The following SYT17 variants were observed in gnomAD, a reference collection of about 807,000 sequenced individuals.
The protein encoded by SYT17 is synaptotagmin 17, also known as synaptotagmin-17.
In SYT17, 22 loss-of-function variants were observed where a neutral mutation model predicts 46.7. The observed-to-expected ratio is 0.47, with a 90% CI of 0.34 to 0.67. The LOEUF (loss-of-function observed/expected upper bound fraction) is 0.67. Among genes scored for constraint, SYT17 ranks in the 30% least tolerant of loss-of-function variants. The pLI, the probability that SYT17 is intolerant of heterozygous loss-of-function variation, is 0.01. For synonymous variants in SYT17, 251 were observed against 248.4 expected (o/e 1.01, Z -0.10); for missense variants, 519 against 612.8 (o/e 0.85, Z 1.62).
At chr16:19,202,762 T>C (rs1239303529) in intron 5 of SYT17, among the ~76,000 whole-genome samples, 1 of 152,208 alleles carries the variant, frequency 6.6e-6, no homozygotes, top group Non-Finnish European at 1.5e-5. Flanking sequence ...GGTCTTGCTC[T>C]GTCACCTAGG....
At chr16:19,176,546 A>G (rs1417485409) in intron 3 of SYT17, among the ~76,000 whole-genome samples, 20 of 152,230 alleles carry the variant, frequency 1.3e-4, no homozygotes, top group Non-Finnish European at 5.9e-5. Context: ...ACAGTAAATG[A>G]ACGGGCACGT....
At chr16:19,172,667 T>G (rs1008868192) in intron 1 of SYT17, 93 bp from the exon 2 acceptor site, 1 of 1,578,460 alleles carries the variant, frequency 6.3e-7, no homozygotes, top group African/African-American at 1.4e-5. Context: ...TTTTTTGAGT[T>G]GCTGGAATAT....
At chr16:19,232,593 G>T (rs1966741271) in intron 7 of SYT17, among the ~76,000 whole-genome samples, 1 of 152,148 alleles carries the variant, frequency 6.6e-6, no homozygotes, top group South Asian at 2.1e-4. Context: ...CACTTTGAGA[G>T]GCTGAAGGGG....
intron 7 of SYT17, among the ~76,000 whole-genome samples, chr16:19,240,894 A>G (rs1967054632): frequency 6.6e-6 from 1 of 151,204 alleles, no homozygotes; most frequent in South Asian, 2.1e-4. Context: ...GCACTACCCC[A>G]AGCATGTGCA....
At chr16:19,233,260 A>G (rs1047952449) in intron 7 of SYT17, among the ~76,000 whole-genome samples, 3 of 152,140 alleles carry the variant, frequency 2.0e-5, no homozygotes, top group African/African-American at 7.2e-5. Context: ...GATGGGTGGG[A>G]AGGCACGGCG....
At chr16:19,211,376 G>T (rs1222125133) in intron 5 of SYT17, 9 of 703,346 alleles carry the variant, frequency 1.3e-5, no homozygotes, top group Non-Finnish European at 2.3e-5. Flanking sequence ...TGCACTGCTT[G>T]ATCTTGGATT....
At chr16:19,245,197 T>C (rs62025399) in intron 7 of SYT17, among the ~76,000 whole-genome samples, 15,345 of 152,128 alleles carry the variant, frequency 0.1, 873 homozygotes, top group African/African-American at 0.13. Context: ...AATCAGTGGT[T>C]CTCAACCTGG....
chr16:19,266,765 T>G, intron 7 of SYT17, 115 bp from the exon 8 acceptor site: 1 of 869,944 alleles, frequency 1.1e-6, no homozygotes, highest in Non-Finnish European at 1.7e-6. Context: ...ATGACCCCCA[T>G]GTTTGCAGTT....
intron 5 of SYT17, among the ~76,000 whole-genome samples, chr16:19,220,303 CTTTTTT>C (rs1555459738): frequency 6.2e-5 from 5 of 80,514 alleles, no homozygotes; most frequent in Non-Finnish European, 1.1e-4. Context: ...TTCTTTCTTT[CTTTTTT>C]TTTTTTTTTT....
chr16:19,248,472 C>A (rs1374070998), intron 7 of SYT17, among the ~76,000 whole-genome samples: 1 of 152,156 alleles, frequency 6.6e-6, no homozygotes, highest in Non-Finnish European at 1.5e-5. Flanking sequence ...TGGAAATGAT[C>A]CAAATGTCCA....
intron 5 of SYT17, among the ~76,000 whole-genome samples, chr16:19,187,838 T>C (rs1396588646): frequency 1.3e-5 from 2 of 152,274 alleles, no homozygotes; most frequent in East Asian, 3.9e-4. Context: ...AAATAACAGA[T>C]GCTGGTGAGG....
chr16:19,180,411 A>T lies in SYT17; in HGVS notation c.203A>T (p.Asp68Val). Residue 68 changes from aspartate to valine, a missense_variant, in exon 4 of 8, where the codon GAC becomes GTC. Physicochemically the swap from Asp to Val is radical, Grantham distance 152. Transcript: ENST00000355377. ...PPWLMASRSS[D>V]KDGDSVHTAS... Reference sequence around the variant, plus strand: ...TATAGGATGGCCAGCCGGAGCAGTGACAAGGATGGTGACTCTGTCCACACG... The same window carrying T: ...TATAGGATGGCCAGCCGGAGCAGTGTCAAGGATGGTGACTCTGTCCACACG... 1 of 1,614,178 alleles carries T rather than the reference A, an allele frequency of 6.2e-7. No homozygotes were observed. Among genetic ancestry groups the T allele is most frequent in the South Asian group, 1.1e-5 (1 of 91,084 alleles).
intron 5 of SYT17, among the ~76,000 whole-genome samples, chr16:19,206,874 CT>C (rs1965692063): frequency 6.6e-6 from 1 of 152,202 alleles, no homozygotes; most frequent in East Asian, 1.9e-4. Context: ...CAAATAAGGA[CT>C]GTGGACCCCC....
intron 5 of SYT17, among the ~76,000 whole-genome samples, chr16:19,199,146 C>A (rs1965366462): frequency 6.6e-6 from 1 of 152,148 alleles, no homozygotes; most frequent in African/African-American, 2.4e-5. Flanking sequence ...CTGGTCCCTG[C>A]CCTTGAGACT....
chr16:19,219,737 T>A (rs1011136935), intron 5 of SYT17, among the ~76,000 whole-genome samples: 1 of 152,240 alleles, frequency 6.6e-6, no homozygotes, highest in African/African-American at 2.4e-5. Context: ...ATGTATTTTT[T>A]AAAATCTGTG....
At chr16:19,195,624 G>A (rs2142701158) in intron 5 of SYT17, among the ~76,000 whole-genome samples, 1 of 152,268 alleles carries the variant, frequency 6.6e-6, no homozygotes, top group South Asian at 2.1e-4. Context: ...GGAGGCTGAA[G>A]CAGGAGAATC....
chr16:19,205,707 C>CCTGACCTCAAGTGATCCA (rs1228057234), intron 5 of SYT17, among the ~76,000 whole-genome samples: 1 of 152,164 alleles, frequency 6.6e-6, no homozygotes, highest in Non-Finnish European at 1.5e-5. Flanking sequence ...GTCTTGAACT[C>CCTGACCTCAAGTGATCCA]CTGACCTCAA....
chr16:19,227,767 C>A (rs1427474362), intron 7 of SYT17, among the ~76,000 whole-genome samples: 1 of 152,144 alleles, frequency 6.6e-6, no homozygotes, highest in African/African-American at 2.4e-5. Context: ...AAACATTATT[C>A]ATGAATTCAG....
chr16:19,174,600 C>T (rs1964240432), intron 3 of SYT17, among the ~76,000 whole-genome samples: 1 of 152,178 alleles, frequency 6.6e-6, no homozygotes, highest in South Asian at 2.1e-4. Flanking sequence ...CAAATATTTC[C>T]ATAGCAAAAT....
Sources: allele counts gnomAD v4.1 joint callset (sites outside exome capture counted in the v4.1 genomes callset), GRCh38; gene constraint gnomAD v4.1.1; transcripts MANE v1.5; gene names NCBI Gene and HGNC (gene_info 2026-07-23, HGNC 2026-07-21).